Variants in PLPP3 observed in about 807,000 individuals in gnomAD.
PLPP3 encodes phospholipid phosphatase 3.
In PLPP3, 6 loss-of-function variants were observed where a neutral mutation model predicts 29.6. The ratio of observed to expected loss-of-function variants is 0.20; its 90% CI spans 0.11 to 0.40. The LOEUF (loss-of-function observed/expected upper bound fraction) is 0.40. PLPP3 is among the 10% of genes least tolerant of loss of function. The pLI, the probability that PLPP3 is intolerant of heterozygous loss-of-function variation, is 1.00. For missense variants in PLPP3, 308 were observed against 407.7 expected (o/e 0.76, Z 2.11); for synonymous variants, 152 against 159.7 (o/e 0.95, Z 0.36).
At chr1:56,547,435 T>G (rs1290511169) in intron 1 of PLPP3, among the ~76,000 whole-genome samples, 1 of 152,134 alleles carries the variant, frequency 6.6e-6, no homozygotes. Context: ...CAAATCCTGT[T>G]TTTTAATGCA....
Position 56,524,318 on chromosome 1 carries a change from G to T in PLPP3, c.534C>A (p.Asn178Lys), listed in dbSNP as rs200887319. The T allele has an allele frequency of 5.0e-5, 80 of 1,613,882 alleles. No individual in the cohort carries two copies. The South Asian group carries it at 6.8e-4, about 14-fold the overall frequency. Residue 178 changes from asparagine (N) to lysine (K), a missense_variant, in exon 3 of 6, where the codon AAC (asparagine) becomes AAA (lysine). Around this residue, in one of 3 missense-constraint regions of PLPP3, gnomAD observed 232 missense variants for 317.2 expected, o/e 0.73. Transcript: ENST00000371250. The surrounding 1 kb of genome is among the most constrained non-coding windows in gnomAD (Gnocchi z 4.3). ...TGCTGTCATCACCTCTGCATCTGTA[G>T]TTCTGAATGTAGCCTTCAGAGCAGT... ...QINCSEGYIQ[N>K]YRCRGDDSKV...
At chr1:56,548,657 C>T (rs1646020288) in intron 1 of PLPP3, among the ~76,000 whole-genome samples, 1 of 151,984 alleles carries the variant, frequency 6.6e-6, no homozygotes, top group African/African-American at 2.4e-5. Context: ...TGGTCTCTGC[C>T]CCCCTAAAAA....
chr1:56,524,690 T>C lies in PLPP3; in HGVS notation c.298-136A>G, dbSNP rs1208570699. ...GTCCTAATTTTCTATTTATGAAATATACAGACACAAATATGCACAGAAGAA... is the reference window on the plus strand; with the variant it reads ...GTCCTAATTTTCTATTTATGAAATACACAGACACAAATATGCACAGAAGAA... On this transcript the variant is annotated intron_variant, in intron 2 of 5. Coordinates refer to ENST00000371250, the MANE Select transcript of PLPP3 (RefSeq NM_003713.5). This position sits in a 1 kb window ranked among gnomAD's most constrained non-coding sequence, Gnocchi z 4.3. The C allele has an allele frequency of 9.4e-7, 1 of 1,062,496 alleles. No individual in the cohort carries two copies. The highest frequency in any genetic ancestry group is 1.6e-5 in the African/African-American group (1 of 62,072). 65.8% of individuals were successfully genotyped at this position (1,062,496 alleles called of 1,614,324 possible).
Position 56,551,289 on chromosome 1 carries a change from TGGTTCGGTTC to T in PLPP3, c.140-14187_140-14178del, listed in dbSNP as rs1169681447. On this transcript the variant is annotated intron_variant, in intron 1 of 5. Transcript: ENST00000371250. ...GGCTTTCTGGGTTTGGGGTTTGGTT[TGGTTCGGTTC>T]GGTTCGGTTCGGTTCGGTTCGGTTT... Among the ~76,000 whole-genome samples, 18 of 149,122 alleles carry T rather than the reference TGGTTCGGTTC, an allele frequency of 1.2e-4. 1 individual carries two copies. Among genetic ancestry groups the T allele is most frequent in the South Asian group, 4.4e-4 (2 of 4,568 alleles).
Position 56,579,210 on chromosome 1 carries a change from C to T in PLPP3, c.-194G>A. On this transcript the variant is annotated 5_prime_UTR_variant, in exon 1 of 6. Coordinates refer to ENST00000371250, the MANE Select transcript of PLPP3 (RefSeq NM_003713.5). ...CTGCAGAAGGTGGTGTTTTCTGCTC[C>T]TCCTGCGCGCCTCTGCTTTCCTCTG... is the stretch of plus-strand genomic sequence containing the variant. The T allele has an allele frequency of 1.6e-6, 1 of 616,982 alleles. No individual in the cohort carries two copies. The highest frequency in any genetic ancestry group is 2.6e-6 in the Non-Finnish European group (1 of 378,608). 38.2% of individuals were successfully genotyped at this position (616,982 alleles called of 1,614,324 possible).
intron 1 of PLPP3, among the ~76,000 whole-genome samples, chr1:56,574,821 GA>G (rs1646224977): frequency 1.3e-5 from 2 of 152,208 alleles, no homozygotes; most frequent in Admixed American, 1.3e-4. Context: ...AATGGTCTAA[GA>G]GGGGCAGTGG....
chr1:56,573,714 C>G (rs1317228683), intron 1 of PLPP3, among the ~76,000 whole-genome samples: 2 of 152,168 alleles, frequency 1.3e-5, no homozygotes, highest in Non-Finnish European at 1.5e-5. Context: ...TTACTCCTCA[C>G]ATAACGTGTA....
At chr1:56,526,489 A>C (rs1645853769) in intron 2 of PLPP3, among the ~76,000 whole-genome samples, 1 of 152,138 alleles carries the variant, frequency 6.6e-6, no homozygotes, top group East Asian at 1.9e-4. Flanking sequence ...CTGTTTATAC[A>C]TTTACCCTAT....
intron 1 of PLPP3, among the ~76,000 whole-genome samples, chr1:56,555,174 G>C (rs1397851337): frequency 6.6e-6 from 1 of 151,930 alleles, no homozygotes; most frequent in African/African-American, 2.4e-5. Flanking sequence ...ATCTCAGTTA[G>C]GGCTGAAACC....
At chr1:56,543,545 A>G (rs1645983720) in intron 1 of PLPP3, among the ~76,000 whole-genome samples, 1 of 152,186 alleles carries the variant, frequency 6.6e-6, no homozygotes. Context: ...AAATACAAAT[A>G]TTTATGTTGC....
chr1:56,551,571 A>C (rs1459663687), intron 1 of PLPP3, among the ~76,000 whole-genome samples: 4 of 152,146 alleles, frequency 2.6e-5, no homozygotes, highest in African/African-American at 9.7e-5. Flanking sequence ...AAGGGGAAGG[A>C]GAAGATGCCT....
chr1:56,579,429 C>G lies in PLPP3; in HGVS notation c.-413G>C, dbSNP rs1395031951. On this transcript the variant is annotated 5_prime_UTR_variant, in exon 1 of 6. Coordinates refer to ENST00000371250, the MANE Select transcript of PLPP3 (RefSeq NM_003713.5). ...TAATGAATGGGAGCTGCGCTGAGCC[C>G]AGCAACTCCGGAGCGCCAGCCCCAA... is the stretch of plus-strand genomic sequence containing the variant. 4 of 196,366 alleles carry G rather than the reference C, an allele frequency of 2.0e-5. No homozygotes were observed. Among genetic ancestry groups the G allele is most frequent in the Non-Finnish European group, 3.1e-5 (3 of 96,196 alleles). The allele number at this position is 196,366 out of a possible 1,614,324, so 12.2% of individuals were successfully genotyped here. A position where few individuals can be genotyped will look rare whatever the true frequency, so the allele number is the denominator to read the frequency against.
intron 4 of PLPP3, among the ~76,000 whole-genome samples, chr1:56,522,055 G>T (rs2100246819): frequency 6.6e-6 from 1 of 152,298 alleles, no homozygotes; most frequent in East Asian, 1.9e-4. Flanking sequence ...TTGTAGCACA[G>T]TACAATGAAA....
chr1:56,560,026 T>C lies in PLPP3; in HGVS notation c.139+18852A>G, dbSNP rs533744254. ...TTGCCTGTCCAAACAACCGTGATGT[T>C]ACCACTTTCAGAAGCCTTCCCCCAG... On this transcript the variant is annotated intron_variant, in intron 1 of 5. Transcript: ENST00000371250. 7.2e-5 allele frequency among the ~76,000 whole-genome samples: 11 copies of C among 152,326 alleles called. No individual in the cohort carries two copies. The South Asian group carries it at 2.3e-3, about 32-fold the overall frequency.
At chr1:56,551,305 G>T (rs978400395) in intron 1 of PLPP3, among the ~76,000 whole-genome samples, 3 of 150,294 alleles carry the variant, frequency 2.0e-5, no homozygotes, top group African/African-American at 4.9e-5. Context: ...GGTTCGGTTC[G>T]GTTCGGTTCG....
chr1:56,539,188 T>C (rs1052817221), intron 1 of PLPP3, among the ~76,000 whole-genome samples: 8 of 152,218 alleles, frequency 5.3e-5, no homozygotes, highest in African/African-American at 1.9e-4. Flanking sequence ...TTCATTCAAA[T>C]GTGAATTTCA....
chr1:56,558,889 C>T (rs917736390), intron 1 of PLPP3, among the ~76,000 whole-genome samples: 7 of 152,194 alleles, frequency 4.6e-5, no homozygotes, highest in Admixed American at 2.6e-4. Flanking sequence ...TACCTTGTGA[C>T]AGGGTTAATT....
intron 1 of PLPP3, among the ~76,000 whole-genome samples, chr1:56,567,498 T>C (rs11800865): frequency 0.081 from 12,108 of 150,168 alleles, 908 homozygotes; most frequent in East Asian, 0.24. Context: ...CCCGGGTTCA[T>C]GCCATTCTCC....
chr1:56,567,429 G>A (rs568095041), intron 1 of PLPP3, among the ~76,000 whole-genome samples: 119 of 111,956 alleles, frequency 1.1e-3, no homozygotes, highest in African/African-American at 4.2e-3. Context: ...ATGGAGTCTC[G>A]CTCTGTCACC....
Sources: allele counts gnomAD v4.1 joint callset (sites outside exome capture counted in the v4.1 genomes callset), GRCh38; gene constraint gnomAD v4.1.1; regional missense constraint gnomAD v4.1.1; non-coding constraint Gnocchi (gnomAD v3.1); transcripts MANE v1.5; gene names NCBI Gene and HGNC (gene_info 2026-07-23, HGNC 2026-07-21).